Variants in PAPOLA observed in about 807,000 individuals in gnomAD.
The protein encoded by PAPOLA is polynucleotide adenylyltransferase alpha.
In PAPOLA, 15 loss-of-function variants were observed where a neutral mutation model predicts 100.6. The observed-to-expected ratio is 0.15, with a 90% confidence interval of 0.10 to 0.23. The LOEUF (loss-of-function observed/expected upper bound fraction) is 0.23, where lower values mean the gene tolerates loss of function less well. PAPOLA is among the 10% of genes least tolerant of loss of function. The pLI is 1.00. For missense variants in PAPOLA, 533 were observed against 884.2 expected, an observed-to-expected ratio of 0.60 and a Z score of 5.04; for synonymous variants, 293 against 300.0, an observed-to-expected ratio of 0.98 and a Z score of 0.24.
intron 19 of PAPOLA, among the ~76,000 whole-genome samples, chr14:96,559,581 C>CTCTCTCTCTCTATA (rs370979875): frequency 4.7e-4 from 57 of 120,178 alleles, no homozygotes; most frequent in African/African-American, 9.4e-4. Flanking sequence ...CTCTCTCTCT[C>CTCTCTCTCTCTATA]TATATATATA....
chr14:96,542,935 T>C, intron 14 of PAPOLA, 42 bp downstream of exon 14: 1 of 1,601,480 alleles, frequency 6.2e-7, no homozygotes. Flanking sequence ...CCATTTCCAA[T>C]TTTTATTCAT....
At chr14:96,539,042 G>T (rs559257728) in intron 12 of PAPOLA, among the ~76,000 whole-genome samples, 1 of 152,086 alleles carries the variant, frequency 6.6e-6, no homozygotes, top group African/African-American at 2.4e-5. Flanking sequence ...AAGAAAAAGG[G>T]GTAACATTGT....
At chr14:96,525,160 T>G in intron 3 of PAPOLA, 150 bp from the exon 4 acceptor site, 1 of 522,416 alleles carries the variant, frequency 1.9e-6, no homozygotes, top group Non-Finnish European at 3.4e-6. Context: ...GGGGCTGGTA[T>G]TTTTTAAGAA....
chr14:96,524,949 A>G (rs1012489040), intron 3 of PAPOLA, among the ~76,000 whole-genome samples: 4 of 152,336 alleles, frequency 2.6e-5, no homozygotes, highest in Admixed American at 1.3e-4. Flanking sequence ...ATTATACTCT[A>G]AATTGGTGAT....
At chr14:96,552,756 A>G (rs1039487453) in intron 17 of PAPOLA, 134 bp downstream of exon 17, 1 of 772,124 alleles carries the variant, frequency 1.3e-6, no homozygotes, top group African/African-American at 1.8e-5. Context: ...TTAAATAGCA[A>G]TTTAATTCCC....
intron 1 of PAPOLA, among the ~76,000 whole-genome samples, chr14:96,519,846 G>T (rs946043181): frequency 1.1e-4 from 17 of 152,224 alleles, no homozygotes; most frequent in African/African-American, 3.6e-4. Flanking sequence ...TAACTTAGAT[G>T]TTTAAGTAGT....
At chr14:96,558,407 A>G (rs1176617556) in intron 19 of PAPOLA, among the ~76,000 whole-genome samples, 5 of 152,172 alleles carry the variant, frequency 3.3e-5, no homozygotes, top group Admixed American at 6.5e-5. Flanking sequence ...GCATAATTCT[A>G]TGCATTTAAC....
At chr14:96,518,563 C>T (rs1897670412) in intron 1 of PAPOLA, among the ~76,000 whole-genome samples, 1 of 152,016 alleles carries the variant, frequency 6.6e-6, no homozygotes, top group African/African-American at 2.4e-5. Context: ...GCGCCCGCCA[C>T]TACGCCCAGC....
chr14:96,509,832 T>A (rs1896986049), intron 1 of PAPOLA, among the ~76,000 whole-genome samples: 1 of 152,244 alleles, frequency 6.6e-6, no homozygotes, highest in South Asian at 2.1e-4. Context: ...TGTCATTGAC[T>A]GAAGAATTCT....
Position 96,515,868 on chromosome 14 carries a change from A to G in PAPOLA, c.9-4187A>G. ...ATTAAATACTGGTAAAAATGTTTCT[A>G]GAATGGGCAGATGTCTAGTGCATTC... On this transcript the variant is annotated intron_variant, in intron 1 of 21. Transcript: ENST00000216277. Among the ~76,000 whole-genome samples, 2 of 152,234 alleles carry G rather than the reference A, an allele frequency of 1.3e-5. 1 individual carries two copies. The highest frequency in any genetic ancestry group is 2.9e-5 in the Non-Finnish European group (2 of 68,046).
chr14:96,523,588 G>T (rs924304255), intron 3 of PAPOLA, among the ~76,000 whole-genome samples: 2 of 152,180 alleles, frequency 1.3e-5, no homozygotes, highest in Non-Finnish European at 2.9e-5. Context: ...CCAGGTCAGC[G>T]TTGCCATTGA....
At chr14:96,516,748 T>G (rs1897500671) in intron 1 of PAPOLA, among the ~76,000 whole-genome samples, 1 of 152,202 alleles carries the variant, frequency 6.6e-6, no homozygotes, top group Non-Finnish European at 1.5e-5. Context: ...AAATAAAAAT[T>G]TCCAGCTTGC....
At chr14:96,515,171 A>G (rs1320647191) in intron 1 of PAPOLA, among the ~76,000 whole-genome samples, 1 of 152,232 alleles carries the variant, frequency 6.6e-6, no homozygotes, top group Non-Finnish European at 1.5e-5. Flanking sequence ...AAAACAATTA[A>G]AAGGCATGTA....
intron 3 of PAPOLA, among the ~76,000 whole-genome samples, chr14:96,522,080 G>A (rs566144669): frequency 6.7e-6 from 1 of 149,388 alleles, no homozygotes; most frequent in South Asian, 2.2e-4. Context: ...TGGGATTATA[G>A]GCATGAGCCA....
intron 12 of PAPOLA, among the ~76,000 whole-genome samples, chr14:96,538,299 A>G (rs1353872657): frequency 2.0e-5 from 3 of 151,982 alleles, no homozygotes; most frequent in Non-Finnish European, 4.4e-5. Flanking sequence ...TCACTTTCGT[A>G]TAGGACTGTG....
rs530268310 is a variant in PAPOLA at position 96,556,259 on chromosome 14, C to G, written c.1850C>G (p.Ser617Cys). The G allele has an allele frequency of 1.6e-5, 26 of 1,614,092 alleles. No homozygotes were observed. The African/African-American group carries it at 2.9e-4, about 18-fold the overall frequency. Residue 617 changes from serine (S) to cysteine (C), a missense_variant, in exon 19 of 22, where the codon TCT (serine) becomes TGT (cysteine). Physicochemically the swap from Ser to Cys is moderately radical, Grantham distance 112 (BLOSUM62 -1). This residue lies in a region of PAPOLA where 242 missense variants were observed against 281.0 expected (regional missense o/e 0.86). Transcript: ENST00000216277. ...AAGCCTACGGTCTCCAGAGTTGTTT[C>G]TTCAACACGTCTGGTAAACCCACCA... ...PPKPTVSRVV[S>C]STRLVNPPPR...
intron 10 of PAPOLA, chr14:96,535,161 A>G: frequency 1.1e-6 from 1 of 934,616 alleles, no homozygotes; most frequent in Non-Finnish European, 1.3e-6. Context: ...ATAAACTGAT[A>G]AAAGAAATTT....
intron 19 of PAPOLA, among the ~76,000 whole-genome samples, chr14:96,557,646 C>T (rs144708779): frequency 0.019 from 2,903 of 151,432 alleles, 35 homozygotes; most frequent in Non-Finnish European, 0.03. Flanking sequence ...AAAAAAACCC[C>T]TCTAGATTTC....
intron 1 of PAPOLA, among the ~76,000 whole-genome samples, chr14:96,505,314 T>C (rs1363203702): frequency 6.6e-6 from 1 of 152,206 alleles, no homozygotes; most frequent in East Asian, 1.9e-4. Flanking sequence ...TATTACCAGA[T>C]GTGCCCTGGG....
Sources: allele counts gnomAD v4.1 joint callset (sites outside exome capture counted in the v4.1 genomes callset), GRCh38; gene constraint gnomAD v4.1.1; regional missense constraint gnomAD v4.1.1; transcripts MANE v1.5; gene names NCBI Gene and HGNC (gene_info 2026-07-23, HGNC 2026-07-21).